DNAH3: variants seen among roughly 807,000 people sequenced by gnomAD.
DNAH3 encodes axonemal beta dynein heavy chain 3.
A neutral mutation model predicts 432.5 loss-of-function variants in DNAH3; 332 were observed. The ratio of observed to expected loss-of-function variants is 0.77; its 90% CI spans 0.70 to 0.84. DNAH3 has a LOEUF of 0.84. Ranked by LOEUF, DNAH3 falls within the 40% of genes least tolerant of loss-of-function variation. The probability of loss-of-function intolerance (pLI) is 0.00; values close to 1 mark genes in which losing one functional copy is unlikely to be tolerated. For missense variants in DNAH3, 4,861 were observed against 5,114.0 expected (o/e 0.95, Z 1.51); for synonymous variants, 1,956 against 1,900.2 (o/e 1.03, Z -0.76).
chr16:21,158,434 T>A (rs1337040450), intron 1 of DNAH3: 1 of 152,388 alleles, frequency 6.6e-6, no homozygotes, highest in Non-Finnish European at 1.5e-5. Context: ...GAAGGGACAC[T>A]CTCTGAGCCT....
intron 58 of DNAH3, among the ~76,000 whole-genome samples, chr16:20,943,091 C>T (rs1333002808): frequency 6.6e-6 from 1 of 151,232 alleles, no homozygotes; most frequent in Non-Finnish European, 1.5e-5. Flanking sequence ...ACCCAGTTAA[C>T]TTTTTTTAAG....
chr16:21,057,295 T>C (rs2090168605), intron 27 of DNAH3, among the ~76,000 whole-genome samples: 1 of 152,138 alleles, frequency 6.6e-6, no homozygotes, highest in African/African-American at 2.4e-5. Flanking sequence ...TCCCCAAATA[T>C]TTATTGATCA....
chr16:21,159,435 C>T, exon 1 of DNAH3: 2 of 1,613,836 alleles, frequency 1.2e-6, no homozygotes, highest in South Asian at 2.2e-5. Flanking sequence ...CGCCCTGTAG[C>T]TCCCATCCCC....
chr16:20,948,136 T>A (rs551825296), intron 57 of DNAH3, among the ~76,000 whole-genome samples: 1 of 152,108 alleles, frequency 6.6e-6, no homozygotes, highest in Non-Finnish European at 1.5e-5. Flanking sequence ...CCCTGCCCAG[T>A]TTTTCTGTTC....
intron 36 of DNAH3, 65 bp from the exon 37 acceptor site, chr16:21,031,351 T>G: frequency 6.3e-7 from 1 of 1,581,520 alleles, no homozygotes; most frequent in Non-Finnish European, 8.6e-7. Context: ...AAACAAGAGA[T>G]GATGTCATCT....
intron 41 of DNAH3, among the ~76,000 whole-genome samples, chr16:21,014,086 G>A (rs559515957): frequency 1.3e-5 from 2 of 152,282 alleles, no homozygotes; most frequent in South Asian, 2.1e-4. Flanking sequence ...CTCATGCTAT[G>A]AGGCCAGCAT....
intron 59 of DNAH3, among the ~76,000 whole-genome samples, chr16:20,937,897 A>G (rs1367852581): frequency 6.6e-6 from 1 of 152,032 alleles, no homozygotes; most frequent in Non-Finnish European, 1.5e-5. Context: ...GGAGATGTCA[A>G]ATTCACCTGC....
intron 44 of DNAH3, among the ~76,000 whole-genome samples, chr16:20,992,487 A>T (rs1157015266): frequency 6.6e-6 from 1 of 152,166 alleles, no homozygotes; most frequent in Non-Finnish European, 1.5e-5. Context: ...CTGGGACTGC[A>T]GGCGCACACC....
intron 18 of DNAH3, among the ~76,000 whole-genome samples, chr16:21,094,955 A>G (rs2039780425): frequency 6.6e-6 from 1 of 152,162 alleles, no homozygotes; most frequent in Admixed American, 6.6e-5. Context: ...ACCTTCCACC[A>G]TGGTTGTGAG....
chr16:21,070,309 T>A (rs2090733715), intron 22 of DNAH3, among the ~76,000 whole-genome samples: 1 of 152,074 alleles, frequency 6.6e-6, no homozygotes, highest in African/African-American at 2.4e-5. Flanking sequence ...TGAGACGGAG[T>A]TTCACTCTTG....
chr16:21,084,797 C>A (rs1328214276), intron 19 of DNAH3, among the ~76,000 whole-genome samples: 1 of 152,056 alleles, frequency 6.6e-6, no homozygotes, highest in Non-Finnish European at 1.5e-5. Flanking sequence ...TGAGTGCCCA[C>A]ATACAAGAAT....
intron 58 of DNAH3, 134 bp from the exon 59 acceptor site, chr16:20,941,677 A>G: frequency 1.1e-5 from 12 of 1,134,926 alleles, no homozygotes; most frequent in Non-Finnish European, 1.5e-5. Context: ...CTCCAACAGA[A>G]GCCATTTCTG....
chr16:21,065,114 G>A (rs1012445370), intron 24 of DNAH3, among the ~76,000 whole-genome samples: 3 of 152,058 alleles, frequency 2.0e-5, no homozygotes, highest in African/African-American at 7.2e-5. Context: ...TAAGTGTAAA[G>A]CACTTAGAGC....
In DNAH3 at chr16:21,106,508, C is replaced by T. The variant is rs760543797; in HGVS notation, c.2266G>A (p.Asp756Asn). Reference sequence around the variant, plus strand: ...GACTTACACGGCAAGTCTGCATAGTCCATCAGGAACTCCAGCCGTTCACTT... The same window carrying T: ...GACTTACACGGCAAGTCTGCATAGTTCATCAGGAACTCCAGCCGTTCACTT... The change falls in exon 15 of 62, where the codon GAC (aspartate) becomes AAC (asparagine). Residue 756 changes from aspartate (D) to asparagine (N), a missense_variant. Coordinates refer to ENST00000261383, the Ensembl canonical transcript of DNAH3. The T allele has an allele frequency of 1.6e-5, 26 of 1,606,672 alleles. No homozygotes were observed. In the South Asian group the frequency reaches 2.5e-4, roughly 15 times the overall value.
chr16:20,936,625 C>A, intron 60 of DNAH3, 24 bp downstream of exon 60: 1 of 1,565,268 alleles, frequency 6.4e-7, no homozygotes. Flanking sequence ...GCCAGGTTCC[C>A]GGTTACCCCT....
At chr16:21,130,103 A>AAC (rs2092527672) in intron 7 of DNAH3, 1 of 151,284 alleles carries the variant, frequency 6.6e-6, no homozygotes, top group African/African-American at 2.4e-5. Context: ...AAAAAAAAAA[A>AAC]AAAAAACAAA....
intron 58 of DNAH3, among the ~76,000 whole-genome samples, chr16:20,943,948 C>T (rs1163167243): frequency 2.6e-5 from 4 of 151,300 alleles, no homozygotes; most frequent in Admixed American, 6.6e-5. Flanking sequence ...CACGCCACTG[C>T]GCTCCAGCCT....
At position 20,963,789 on chromosome 16, in the gene DNAH3, CAG is replaced by C; in HGVS notation, c.10093_10094del (p.Leu3365ValfsTer2). 6.2e-7 allele frequency: 1 copy of C among 1,614,020 alleles called. No homozygotes were observed. The highest frequency in any genetic ancestry group is 2.2e-5 in the East Asian group (1 of 44,846). On this transcript the variant is annotated frameshift_variant, in exon 53 of 62. Transcript: ENST00000261383. LOFTEE classifies it high-confidence loss of function. ...AGAAGAGTAGCTTGTCCTTCTCAAA[CAG>C]AGAACGGCACACGTTGTTGTAGATG...
intron 59 of DNAH3, among the ~76,000 whole-genome samples, chr16:20,938,578 G>A (rs923923253): frequency 7.0e-6 from 1 of 143,216 alleles, no homozygotes; most frequent in African/African-American, 2.6e-5. Flanking sequence ...CCCAAGGAAA[G>A]AACACTTGCC....
Sources: allele counts gnomAD v4.1 joint callset (sites outside exome capture counted in the v4.1 genomes callset), GRCh38; gene constraint gnomAD v4.1.1; transcripts MANE v1.5; gene names NCBI Gene and HGNC (gene_info 2026-07-23, HGNC 2026-07-21).